PTPRN2: variants seen among roughly 807,000 people sequenced by gnomAD.
The protein encoded by PTPRN2 is receptor-type tyrosine-protein phosphatase N2.
In PTPRN2, 74 loss-of-function variants were observed where a neutral mutation model predicts 118.8. The observed-to-expected ratio is 0.62, with a 90% confidence interval of 0.52 to 0.76. The LOEUF is 0.76. PTPRN2 is among the 30% of genes least tolerant of loss of function. PTPRN2 has a pLI of 0.00. For missense variants in PTPRN2, 1,481 were observed against 1,394.4 expected (o/e 1.06, Z -0.99); for synonymous variants, 641 against 608.0 (o/e 1.05, Z -0.80).
At chr7:158,193,155 G>A (rs117862899) in intron 4 of PTPRN2, among the ~76,000 whole-genome samples, 3,554 of 152,336 alleles carry the variant, frequency 0.023, 55 homozygotes, top group South Asian at 0.074. Flanking sequence ...CACATGGGAC[G>A]CTTCCCGTGG....
chr7:158,222,505 T>G (rs1260800889), intron 3 of PTPRN2, among the ~76,000 whole-genome samples: 1 of 152,194 alleles, frequency 6.6e-6, no homozygotes, highest in Non-Finnish European at 1.5e-5. Flanking sequence ...TTCTCACTTA[T>G]AAGTGGAAAC....
At chr7:158,275,233 C>T (rs908484704) in intron 3 of PTPRN2, among the ~76,000 whole-genome samples, 8 of 152,196 alleles carry the variant, frequency 5.3e-5, no homozygotes, top group African/African-American at 1.4e-4. Context: ...GCCACAGAGA[C>T]GTGCTCCCTG....
At chr7:158,373,185 T>C (rs781619637) in intron 2 of PTPRN2, among the ~76,000 whole-genome samples, 4 of 152,246 alleles carry the variant, frequency 2.6e-5, no homozygotes, top group African/African-American at 9.6e-5. Flanking sequence ...TGACAGCAGA[T>C]GTGCTTTCCT....
At position 158,093,359 on chromosome 7, in the gene PTPRN2, C is replaced by T. The variant is rs1814371717; in HGVS notation, c.1644-11982G>A. 6.6e-6 allele frequency among the ~76,000 whole-genome samples: 1 copy of T among 151,682 alleles called. No homozygotes were observed. Among genetic ancestry groups the T allele is most frequent in the Non-Finnish European group, 1.5e-5 (1 of 67,932 alleles). ...GACTCTGCCGCTGGACCGACCCCCA[C>T]ACTGTGGACCCACAGGTAGGCCTGC... On this transcript the variant is annotated intron_variant, in intron 10 of 22. Coordinates refer to ENST00000389418, the MANE Select transcript of PTPRN2 (RefSeq NM_002847.5). The surrounding 1 kb of genome is among the most constrained non-coding windows in gnomAD (Gnocchi z 4.4).
chr7:157,699,386 G>C (rs1255014754), intron 12 of PTPRN2, among the ~76,000 whole-genome samples: 1 of 152,180 alleles, frequency 6.6e-6, no homozygotes, highest in East Asian at 1.9e-4. Flanking sequence ...TACATATTTA[G>C]ATCTAATGTG....
At chr7:158,554,229 CACTCCA>C (rs1353901994) in intron 1 of PTPRN2, among the ~76,000 whole-genome samples, 2 of 152,238 alleles carry the variant, frequency 1.3e-5, no homozygotes, top group African/African-American at 4.8e-5. Flanking sequence ...CGCGCCACTG[CACTCCA>C]GCCTGGGCGA....
In PTPRN2 at chr7:157,622,849, T is replaced by G; in HGVS notation, c.2197-1340A>C. On this transcript the variant is annotated intron_variant, in intron 14 of 22. Coordinates refer to ENST00000389418, the MANE Select transcript of PTPRN2 (RefSeq NM_002847.5). This position sits in a 1 kb window ranked among gnomAD's most constrained non-coding sequence, Gnocchi z 5.3. ...AAAAGCAGAGGGACTCCAGTGCCGT[T>G]GAGAAGCCGCACCGACTGCCTGCTC... 6.6e-6 allele frequency among the ~76,000 whole-genome samples: 1 copy of G among 152,270 alleles called. No individual in the cohort carries two copies.
rs148412109 is a variant in PTPRN2, at chr7:157,634,762, G to A, written c.2197-13253C>T. On this transcript the variant is annotated intron_variant, in intron 14 of 22. Coordinates refer to ENST00000389418, the MANE Select transcript of PTPRN2 (RefSeq NM_002847.5). ...TGTGAAAGATTCACAGGCTGACGTA[G>A]GCTGACAGGGGTTCTAGCCCATTAA... Among the ~76,000 whole-genome samples the A allele has an allele frequency of 7.9e-5, 12 of 152,346 alleles. 1 individual carries two copies. The highest frequency in any genetic ancestry group is 2.6e-4 in the African/African-American group (11 of 41,584).
At chr7:158,109,396 A>G (rs1386054859) in intron 10 of PTPRN2, among the ~76,000 whole-genome samples, 1 of 151,284 alleles carries the variant, frequency 6.6e-6, no homozygotes, top group African/African-American at 2.4e-5. Flanking sequence ...GGAGACAGTG[A>G]GTGAATGACA....
At chr7:157,569,384 C>T (rs1799650659) in intron 20 of PTPRN2, among the ~76,000 whole-genome samples, 1 of 152,234 alleles carries the variant, frequency 6.6e-6, no homozygotes, top group Non-Finnish European at 1.5e-5. Flanking sequence ...GAGGGGAGGG[C>T]GCTGGGCGGC....
At chr7:157,988,134 T>G (rs1245270883) in intron 11 of PTPRN2, among the ~76,000 whole-genome samples, 2 of 152,314 alleles carry the variant, frequency 1.3e-5, no homozygotes, top group Non-Finnish European at 1.5e-5. Context: ...CCGAATTGTT[T>G]GTGGACTGTG....
chr7:157,610,740 T>G lies in PTPRN2; in HGVS notation c.2345-6665A>C, dbSNP rs551168345. ...TTGATTCTTTGCAGACCTGGGCACTTGAAGACCAGCAACAGCGTGATGACA... is the reference window on the plus strand; with the variant it reads ...TTGATTCTTTGCAGACCTGGGCACTGGAAGACCAGCAACAGCGTGATGACA... On this transcript the variant is annotated intron_variant, in intron 15 of 22. Transcript: ENST00000389418. This position sits in a 1 kb window ranked among gnomAD's most constrained non-coding sequence, Gnocchi z 5.1. 1.1e-4 allele frequency among the ~76,000 whole-genome samples: 17 copies of G among 152,338 alleles called. No individual in the cohort carries two copies. In the East Asian group the frequency reaches 3.1e-3, roughly 28 times the overall value.
At chr7:158,583,776 G>A (rs1828767819) in intron 1 of PTPRN2, among the ~76,000 whole-genome samples, 1 of 152,162 alleles carries the variant, frequency 6.6e-6, no homozygotes. Flanking sequence ...AGACCGAGCA[G>A]GAGAGACAGG....
intron 11 of PTPRN2, among the ~76,000 whole-genome samples, chr7:158,002,003 C>T (rs765625182): frequency 1.6e-4 from 24 of 152,196 alleles, no homozygotes; most frequent in Non-Finnish European, 2.9e-4. Context: ...AGACGATGGC[C>T]GCCAGCTTCA....
intron 11 of PTPRN2, among the ~76,000 whole-genome samples, chr7:158,077,612 C>T (rs146773152): frequency 1.0e-4 from 15 of 150,708 alleles, no homozygotes; most frequent in East Asian, 5.9e-4. Flanking sequence ...CCGTGGCGCC[C>T]GAGAGGGAAT....
rs75626257 is a variant in PTPRN2 at position 157,797,004 on chromosome 7, C to T, written c.1788+101669G>A. 7.9e-3 allele frequency among the ~76,000 whole-genome samples: 1,208 copies of T among 152,282 alleles called. 10 individuals carry two copies. Among genetic ancestry groups the T allele is most frequent in the Middle Eastern group, 0.027 (8 of 294 alleles). ...TGATCTGCCTCGAGTTCCGACTCGC[C>T]GCTCAGACGAACTCACGGCTCAGCT... is the stretch of plus-strand genomic sequence containing the variant. On this transcript the variant is annotated intron_variant, in intron 12 of 22. Transcript: ENST00000389418.
At chr7:158,332,611 C>G (rs536169014) in intron 2 of PTPRN2, among the ~76,000 whole-genome samples, 4 of 150,814 alleles carry the variant, frequency 2.7e-5, no homozygotes, top group African/African-American at 9.9e-5. Flanking sequence ...AGAAGTGACA[C>G]CTGCAGATGT....
intron 12 of PTPRN2, among the ~76,000 whole-genome samples, chr7:157,855,379 T>C (rs1227038530): frequency 6.6e-6 from 1 of 152,186 alleles, no homozygotes; most frequent in African/African-American, 2.4e-5. Flanking sequence ...TAATAACGAT[T>C]ATTTTAACAA....
At position 158,205,252 on chromosome 7, in the gene PTPRN2, T is replaced by G. The variant is rs771711591; in HGVS notation, c.299A>C (p.Tyr100Ser). ...TTCCTGGTCCATCACATACTGAGTA[T>G]AGTCATCCTGCCACGTGAAACCTGT... ...SGTGFTWQDDYTQYVMDQELA... is the reference protein window; with the variant it reads ...SGTGFTWQDDSTQYVMDQELA... Residue 100 changes from tyrosine to serine, a missense_variant, in exon 4 of 23, where the codon TAT becomes TCT. Coordinates refer to ENST00000389418, the MANE Select transcript of PTPRN2 (RefSeq NM_002847.5). 47 of 1,613,858 alleles carry G rather than the reference T, an allele frequency of 2.9e-5. No homozygotes were observed. The highest frequency in any genetic ancestry group is 3.9e-5 in the Non-Finnish European group (46 of 1,180,002).
Sources: allele counts gnomAD v4.1 joint callset (sites outside exome capture counted in the v4.1 genomes callset), GRCh38; gene constraint gnomAD v4.1.1; non-coding constraint Gnocchi (gnomAD v3.1); transcripts MANE v1.5; gene names NCBI Gene and HGNC (gene_info 2026-07-23, HGNC 2026-07-21).